Variants in COBL observed in about 807,000 individuals in gnomAD.
COBL encodes cordon-bleu WH2 repeat protein.
A neutral mutation model predicts 98.8 loss-of-function variants in COBL; 51 were observed. The observed-to-expected ratio is 0.52, with a 90% CI of 0.41 to 0.65. COBL has a LOEUF of 0.65. Among genes scored for constraint, COBL ranks in the 30% least tolerant of loss-of-function variants. The pLI is 0.00. For missense variants in COBL, 1,617 were observed against 1,617.5 expected (o/e 1.00, Z 0.01); for synonymous variants, 634 against 651.7 (o/e 0.97, Z 0.41).
chr7:51,088,597 G>T (rs372217375), intron 6 of COBL, among the ~76,000 whole-genome samples: 1 of 152,008 alleles, frequency 6.6e-6, no homozygotes, highest in Non-Finnish European at 1.5e-5. Flanking sequence ...CTTTCCTCCA[G>T]CATCCTTTCT....
At chr7:51,247,021 C>T (rs941621737) in intron 1 of COBL, among the ~76,000 whole-genome samples, 2 of 152,186 alleles carry the variant, frequency 1.3e-5, no homozygotes, top group East Asian at 1.9e-4. Context: ...CCAAGCAGTG[C>T]GGGCCTGCAG....
Position 51,275,708 on chromosome 7 carries a change from G to A in COBL, c.41+40885C>T, listed in dbSNP as rs114971730. Reference sequence around the variant, plus strand: ...AGCCGTGACTGCTCTTGTGAGCTCCGCACGCAGCCCACCCAGGAGGCCTGT... The same window carrying A: ...AGCCGTGACTGCTCTTGTGAGCTCCACACGCAGCCCACCCAGGAGGCCTGT... On this transcript the variant is annotated intron_variant, in intron 1 of 12. Coordinates refer to ENST00000265136, the MANE Select transcript of COBL (RefSeq NM_015198.5). 8.5e-3 allele frequency among the ~76,000 whole-genome samples: 1,297 copies of A among 152,210 alleles called. 12 individuals carry two copies. The highest frequency in any genetic ancestry group is 0.038 in the South Asian group (184 of 4,820).
intron 6 of COBL, among the ~76,000 whole-genome samples, chr7:51,123,378 A>G (rs1394413565): frequency 3.9e-5 from 6 of 152,228 alleles, no homozygotes; most frequent in Non-Finnish European, 5.9e-5. Context: ...AGTTCCATCA[A>G]GGGAACAGAG....
At chr7:51,198,783 G>A (rs1790829485) in intron 2 of COBL, among the ~76,000 whole-genome samples, 1 of 152,202 alleles carries the variant, frequency 6.6e-6, no homozygotes, top group South Asian at 2.1e-4. Flanking sequence ...AGAACAGGAA[G>A]TCTCTGGCTC....
chr7:51,217,066 C>T (rs938829568), intron 2 of COBL, among the ~76,000 whole-genome samples: 3 of 152,204 alleles, frequency 2.0e-5, no homozygotes, highest in Non-Finnish European at 2.9e-5. Flanking sequence ...TTCAGGAAAC[C>T]ATGAGAAGGG....
intron 1 of COBL, among the ~76,000 whole-genome samples, chr7:51,304,136 G>A (rs1304977304): frequency 6.6e-6 from 1 of 152,184 alleles, no homozygotes; most frequent in East Asian, 1.9e-4. Context: ...GAAAGTGATG[G>A]TGTGAGAGAG....
At chr7:51,303,117 T>C (rs1802135638) in intron 1 of COBL, among the ~76,000 whole-genome samples, 1 of 152,248 alleles carries the variant, frequency 6.6e-6, no homozygotes, top group Admixed American at 6.5e-5. Flanking sequence ...TCCCCGAGCC[T>C]CATGACAAAG....
At position 51,082,383 on chromosome 7, in the gene COBL, G is replaced by A. The variant is rs116822323; in HGVS notation, c.1096+2783C>T. On this transcript the variant is annotated intron_variant, in intron 7 of 12. Coordinates refer to ENST00000265136, the MANE Select transcript of COBL (RefSeq NM_015198.5). ...TAATGCCATGGAGTGTAGAGAGTAA[G>A]TGTATAAAACTATGCCTGTCCGGAG... Among the ~76,000 whole-genome samples the A allele has an allele frequency of 2.7e-3, 412 of 152,276 alleles. 4 individuals are homozygous for A. The highest frequency in any genetic ancestry group is 9.4e-3 in the African/African-American group (391 of 41,552).
chr7:51,028,910 C>G lies in COBL; in HGVS notation c.2186G>C (p.Gly729Ala). Residue 729 changes from glycine (G) to alanine (A), a missense_variant, in exon 10 of 13, where the codon GGA becomes GCA. Gly to Ala is a moderately conservative substitution (Grantham distance 60). Around this residue, in one of 3 missense-constraint regions of COBL, gnomAD observed 1,304 missense variants for 1,282.0 expected, o/e 1.02. Coordinates refer to ENST00000265136, the MANE Select transcript of COBL (RefSeq NM_015198.5). ...CCCCAGCTCGTCAATCTTAATGGCTCCGGTGGAGAGGGACACATCTCTGTC... is the reference window on the plus strand; with the variant it reads ...CCCCAGCTCGTCAATCTTAATGGCTGCGGTGGAGAGGGACACATCTCTGTC... ...CYDRDVSLST[G>A]AIKIDELGNL... 6.2e-7 allele frequency: 1 copy of G among 1,614,196 alleles called. No individual in the cohort carries two copies.
intron 5 of COBL, among the ~76,000 whole-genome samples, chr7:51,149,066 C>A (rs1366920714): frequency 6.6e-6 from 1 of 152,202 alleles, no homozygotes; most frequent in Non-Finnish European, 1.5e-5. Flanking sequence ...TTGCTATAAA[C>A]CCCAAGCCCG....
At chr7:51,057,231 A>C (rs1252982003) in intron 7 of COBL, among the ~76,000 whole-genome samples, 1 of 152,198 alleles carries the variant, frequency 6.6e-6, no homozygotes, top group Non-Finnish European at 1.5e-5. Flanking sequence ...TTTCATTGCT[A>C]GTCATTGTTG....
chr7:51,151,688 T>G (rs1683768883), intron 5 of COBL, among the ~76,000 whole-genome samples: 10 of 152,254 alleles, frequency 6.6e-5, no homozygotes. Flanking sequence ...TGTAATTTCC[T>G]GGTCAAGAGG....
At chr7:51,274,215 C>T (rs1030386766) in intron 1 of COBL, among the ~76,000 whole-genome samples, 1 of 152,238 alleles carries the variant, frequency 6.6e-6, no homozygotes, top group Non-Finnish European at 1.5e-5. Flanking sequence ...AACTCACACC[C>T]AGCCTTGCTG....
chr7:51,221,587 A>G (rs1793642884), intron 1 of COBL, among the ~76,000 whole-genome samples: 1 of 152,212 alleles, frequency 6.6e-6, no homozygotes, highest in Non-Finnish European at 1.5e-5. Context: ...TCAGAATATT[A>G]TTTGTTTAGG....
At chr7:51,076,231 G>A (rs557835378) in intron 7 of COBL, among the ~76,000 whole-genome samples, 7 of 152,328 alleles carry the variant, frequency 4.6e-5, no homozygotes, top group South Asian at 2.1e-4. Flanking sequence ...TAACTGCTTC[G>A]TTTTGAAATA....
At chr7:51,229,941 G>A (rs1263636845) in intron 1 of COBL, among the ~76,000 whole-genome samples, 1 of 152,156 alleles carries the variant, frequency 6.6e-6, no homozygotes, top group Non-Finnish European at 1.5e-5. Flanking sequence ...GTTTGGGGAT[G>A]GAGGGATCTG....
intron 6 of COBL, among the ~76,000 whole-genome samples, chr7:51,116,999 A>C (rs2128984759): frequency 6.6e-6 from 1 of 152,184 alleles, no homozygotes; most frequent in Admixed American, 6.5e-5. Flanking sequence ...TTTGTTACAT[A>C]TGTACACATG....
chr7:51,234,840 A>C (rs973422674), intron 1 of COBL, among the ~76,000 whole-genome samples: 2 of 152,180 alleles, frequency 1.3e-5, no homozygotes, highest in African/African-American at 4.8e-5. Context: ...GCTTGGGTTT[A>C]CTGATTGATC....
chr7:51,178,915 C>T (rs1788671291), intron 5 of COBL, among the ~76,000 whole-genome samples: 1 of 151,966 alleles, frequency 6.6e-6, no homozygotes, highest in South Asian at 2.1e-4. Flanking sequence ...AGCCAAGTCT[C>T]CTCTTAATCA....
Sources: gnomAD v4.1 joint callset for allele counts (sites outside exome capture counted in the v4.1 genomes callset) on GRCh38, gnomAD v4.1.1 for gene constraint, gnomAD v4.1.1 regional missense constraint, MANE v1.5 for transcripts, NCBI Gene and HGNC (gene_info 2026-07-23, HGNC 2026-07-21) for gene names.